The following PHACTR1 variants were observed in gnomAD, a reference collection of about 807,000 sequenced individuals.
The protein encoded by PHACTR1 is phosphatase and actin regulator 1.
In PHACTR1, 16 loss-of-function variants were observed where a neutral mutation model predicts 69.2. The ratio of observed to expected loss-of-function variants is 0.23; its 90% CI spans 0.16 to 0.35. The LOEUF is 0.35. PHACTR1 is among the 10% of genes least tolerant of loss of function. The pLI is 1.00. For synonymous variants in PHACTR1, 312 were observed against 284.5 expected, an observed-to-expected ratio of 1.10 and a Z score of -0.97; for missense variants, 510 against 734.7, an observed-to-expected ratio of 0.69 and a Z score of 3.54.
chr6:12,723,320 G>A (rs111616260), intron 3 of PHACTR1, among the ~76,000 whole-genome samples: 3 of 151,934 alleles, frequency 2.0e-5, no homozygotes, highest in Admixed American at 6.6e-5. Context: ...TCATTCATTC[G>A]TCTGGGGCTT....
rs150847527 is a variant in PHACTR1, at chr6:13,102,329, T to C, written c.415+48800T>C. On this transcript the variant is annotated intron_variant, in intron 5 of 14. Coordinates refer to ENST00000332995, the MANE Select transcript of PHACTR1 (RefSeq NM_030948.6). Reference sequence around the variant, plus strand: ...ACTCATTAAAACCCCTCTCTTTGGCTCGGAGTAAGGGAGTTTCTGGGTTTT... The same window carrying C: ...ACTCATTAAAACCCCTCTCTTTGGCCCGGAGTAAGGGAGTTTCTGGGTTTT... 8.2e-4 allele frequency among the ~76,000 whole-genome samples: 125 copies of C among 152,298 alleles called. 2 individuals carry two copies. The East Asian group carries it at 0.024, about 29-fold the overall frequency.
chr6:13,102,953 C>T (rs1815421887), intron 5 of PHACTR1, among the ~76,000 whole-genome samples: 1 of 152,180 alleles, frequency 6.6e-6, no homozygotes, highest in Non-Finnish European at 1.5e-5. Context: ...GAGCTCACAA[C>T]CTTTGCTTCG....
intron 4 of PHACTR1, among the ~76,000 whole-genome samples, chr6:12,847,866 CT>C (rs1451246270): frequency 1.3e-5 from 2 of 152,044 alleles, no homozygotes; most frequent in Non-Finnish European, 2.9e-5. Flanking sequence ...AACAAAACTC[CT>C]CAAAATTTGC....
Position 12,989,608 on chromosome 6 carries a change from A to C in PHACTR1, c.251-63757A>C, listed in dbSNP as rs9473160. ...GACCAGTCTCAACACTGCCTGTAGG[A>C]TATCCAAAGTCCGGTGGTGACAAAG... On this transcript the variant is annotated intron_variant, in intron 4 of 14. Coordinates refer to ENST00000332995, the MANE Select transcript of PHACTR1 (RefSeq NM_030948.6). Among the ~76,000 whole-genome samples the C allele has an allele frequency of 4.1e-3, 623 of 152,320 alleles. 3 individuals are homozygous for C. Among genetic ancestry groups the C allele is most frequent in the African/African-American group, 0.015 (604 of 41,568 alleles).
At chr6:12,846,515 A>C (rs968455814) in intron 4 of PHACTR1, among the ~76,000 whole-genome samples, 2 of 152,214 alleles carry the variant, frequency 1.3e-5, no homozygotes, top group East Asian at 3.9e-4. Flanking sequence ...CCTTGAGTCT[A>C]AGATTCAGAG....
intron 10 of PHACTR1, among the ~76,000 whole-genome samples, chr6:13,270,917 G>C (rs112824890): frequency 0.011 from 1,656 of 152,220 alleles, 27 homozygotes; most frequent in African/African-American, 0.036. Context: ...TCCAATCATG[G>C]AGGAAGGTGA....
At chr6:12,847,078 A>G (rs553951054) in intron 4 of PHACTR1, among the ~76,000 whole-genome samples, 4 of 152,288 alleles carry the variant, frequency 2.6e-5, no homozygotes, top group African/African-American at 9.6e-5. Context: ...TGGCCTCCCA[A>G]AGGGCTGGGA....
chr6:13,185,945 G>A (rs1326553233), intron 7 of PHACTR1, among the ~76,000 whole-genome samples: 2 of 152,114 alleles, frequency 1.3e-5, no homozygotes, highest in East Asian at 3.9e-4. Context: ...TGTAATAGAG[G>A]CACAATCGAT....
intron 5 of PHACTR1, among the ~76,000 whole-genome samples, chr6:13,128,333 A>T (rs1342752374): frequency 6.7e-6 from 1 of 150,172 alleles, no homozygotes; most frequent in East Asian, 2.0e-4. Flanking sequence ...TAGAAATTTA[A>T]TTATTAATAT....
chr6:12,956,943 C>G lies in PHACTR1; in HGVS notation c.251-96422C>G, dbSNP rs1791963447. Among the ~76,000 whole-genome samples, 3 of 152,068 alleles carry G rather than the reference C, an allele frequency of 2.0e-5. No individual in the cohort carries two copies. In the South Asian group the frequency reaches 6.2e-4, roughly 32 times the overall value. ...TCCTCATGGGCATTTGGGAGGTCCTCTACTCAAGAATTGAACCGAAGGGAA... is the reference window on the plus strand; with the variant it reads ...TCCTCATGGGCATTTGGGAGGTCCTGTACTCAAGAATTGAACCGAAGGGAA... On this transcript the variant is annotated intron_variant, in intron 4 of 14. Coordinates refer to ENST00000332995, the MANE Select transcript of PHACTR1 (RefSeq NM_030948.6).
At chr6:12,782,081 G>C (rs187377855) in intron 4 of PHACTR1, among the ~76,000 whole-genome samples, 1 of 152,120 alleles carries the variant, frequency 6.6e-6, no homozygotes, top group Non-Finnish European at 1.5e-5. Context: ...TTTCTGAGGG[G>C]CCTAGAAGCT....
intron 4 of PHACTR1, among the ~76,000 whole-genome samples, chr6:12,783,986 A>G (rs1771156622): frequency 6.6e-6 from 1 of 152,096 alleles, no homozygotes; most frequent in Non-Finnish European, 1.5e-5. Context: ...ACACACACAT[A>G]TATCTATACA....
intron 3 of PHACTR1, chr6:12,749,431 C>G: frequency 1.3e-5 from 8 of 609,178 alleles, no homozygotes; most frequent in Non-Finnish European, 2.2e-5. Flanking sequence ...AACGGATTTT[C>G]TTTCTCTCCC....
rs111925819 is a variant in PHACTR1 at position 13,161,405 on chromosome 6, C to T, written c.496+1121C>T. Among the ~76,000 whole-genome samples, 7 of 152,234 alleles carry T rather than the reference C, an allele frequency of 4.6e-5. No individual in the cohort carries two copies. In the South Asian group the frequency reaches 1.0e-3, roughly 23 times the overall value. On this transcript the variant is annotated intron_variant, in intron 6 of 14. Coordinates refer to ENST00000332995, the MANE Select transcript of PHACTR1 (RefSeq NM_030948.6). ...CTGAGGACCACACTCCCTCTGTTAGCGCTTTAAGTGAAATAACAGACTGTC... is the reference window on the plus strand; with the variant it reads ...CTGAGGACCACACTCCCTCTGTTAGTGCTTTAAGTGAAATAACAGACTGTC...
At chr6:12,990,148 T>A (rs553719739) in intron 4 of PHACTR1, among the ~76,000 whole-genome samples, 43 of 152,334 alleles carry the variant, frequency 2.8e-4, no homozygotes, top group African/African-American at 9.1e-4. Flanking sequence ...TAAGGTCTTA[T>A]GAGATGCCTG....
chr6:13,254,698 G>A (rs1250657505), intron 10 of PHACTR1, among the ~76,000 whole-genome samples: 3 of 152,196 alleles, frequency 2.0e-5, no homozygotes, highest in Non-Finnish European at 4.4e-5. Flanking sequence ...GGTGTGGGCA[G>A]GCTTCAGAAT....
chr6:12,841,991 A>G (rs1778745607), intron 4 of PHACTR1, among the ~76,000 whole-genome samples: 1 of 152,230 alleles, frequency 6.6e-6, no homozygotes. Context: ...AGTTTGTGGC[A>G]TCACTCAAAA....
At chr6:13,119,544 G>T (rs1282763696) in intron 5 of PHACTR1, among the ~76,000 whole-genome samples, 3 of 152,138 alleles carry the variant, frequency 2.0e-5, no homozygotes, top group African/African-American at 7.2e-5. Flanking sequence ...GCCCAGAATA[G>T]ATGCTGGGGG....
chr6:12,726,528 C>T (rs558660398), intron 3 of PHACTR1, among the ~76,000 whole-genome samples: 21 of 152,282 alleles, frequency 1.4e-4, no homozygotes, highest in African/African-American at 3.6e-4. Flanking sequence ...CGAAGGAAGG[C>T]GGGTGTAGAC....
Sources: allele counts gnomAD v4.1 joint callset (sites outside exome capture counted in the v4.1 genomes callset), GRCh38; gene constraint gnomAD v4.1.1; transcripts MANE v1.5; gene names NCBI Gene and HGNC (gene_info 2026-07-23, HGNC 2026-07-21).